Variants in LRRC4C observed in about 807,000 individuals in gnomAD.
LRRC4C encodes the protein leucine rich repeat containing 4C.
In LRRC4C, 5 loss-of-function variants were observed where a neutral mutation model predicts 33.6. That is an observed-to-expected ratio of 0.15 (90% confidence interval 0.08 to 0.31). The LOEUF is 0.31. Among genes scored for constraint, LRRC4C ranks in the 10% least tolerant of loss-of-function variants. The pLI is 1.00. For synonymous variants in LRRC4C, 329 were observed against 302.0 expected, an observed-to-expected ratio of 1.09 and a Z score of -0.93; for missense variants, 560 against 796.7, an observed-to-expected ratio of 0.70 and a Z score of 3.58.
intron 3 of LRRC4C, among the ~76,000 whole-genome samples, chr11:40,577,759 A>G (rs942718712): frequency 6.6e-6 from 1 of 151,552 alleles, no homozygotes; most frequent in Non-Finnish European, 1.5e-5. Context: ...TAACGCTGCT[A>G]TTGAGAAGCC....
chr11:40,806,790 T>G (rs764983116), intron 2 of LRRC4C, among the ~76,000 whole-genome samples: 7 of 152,170 alleles, frequency 4.6e-5, no homozygotes, highest in Admixed American at 4.6e-4. Flanking sequence ...TTAGAATCTA[T>G]CAGTATTTCT....
intron 1 of LRRC4C, among the ~76,000 whole-genome samples, chr11:40,992,738 A>T (rs1853673942): frequency 2.0e-5 from 3 of 152,204 alleles, no homozygotes; most frequent in Admixed American, 2.0e-4. Flanking sequence ...GATTGCTACG[A>T]CATTAATTTA....
chr11:40,744,401 T>A (rs1282597725), intron 2 of LRRC4C, among the ~76,000 whole-genome samples: 2 of 152,182 alleles, frequency 1.3e-5, no homozygotes, highest in Non-Finnish European at 2.9e-5. Context: ...TCCAGGCAGA[T>A]GCAACAGTAA....
At chr11:41,180,249 G>A (rs1416525207) in intron 1 of LRRC4C, among the ~76,000 whole-genome samples, 3 of 152,144 alleles carry the variant, frequency 2.0e-5, no homozygotes, top group African/African-American at 7.2e-5. Flanking sequence ...AAAGCAGCCA[G>A]ATCACAATAT....
chr11:40,186,062 T>C (rs1861376546), intron 5 of LRRC4C, among the ~76,000 whole-genome samples: 1 of 152,180 alleles, frequency 6.6e-6, no homozygotes, highest in Non-Finnish European at 1.5e-5. Context: ...CTTATTTGTT[T>C]ATAAGAGAGC....
At chr11:41,351,719 C>T (rs1030473794) in intron 1 of LRRC4C, among the ~76,000 whole-genome samples, 4 of 152,280 alleles carry the variant, frequency 2.6e-5, no homozygotes, top group Middle Eastern at 6.8e-3. Flanking sequence ...ATTAAAAATA[C>T]ATTTAAAATG....
intron 2 of LRRC4C, among the ~76,000 whole-genome samples, chr11:40,657,845 A>C (rs1003924444): frequency 6.6e-6 from 1 of 152,214 alleles, no homozygotes; most frequent in African/African-American, 2.4e-5. Context: ...CCTGCCTCAA[A>C]TCTTTGGGGC....
intron 1 of LRRC4C, among the ~76,000 whole-genome samples, chr11:41,400,397 G>A (rs774193235): frequency 2.0e-4 from 30 of 151,708 alleles, no homozygotes; most frequent in Non-Finnish European, 3.7e-4. Context: ...ATAAATCTAA[G>A]CGATTTCCAC....
At chr11:40,355,199 A>T (rs1356363283) in intron 3 of LRRC4C, among the ~76,000 whole-genome samples, 1 of 152,128 alleles carries the variant, frequency 6.6e-6, no homozygotes, top group East Asian at 1.9e-4. Context: ...AAGTTGCAAG[A>T]CAAAGTCCTC....
At chr11:40,127,335 T>C (rs1031350723) in intron 6 of LRRC4C, among the ~76,000 whole-genome samples, 2 of 151,722 alleles carry the variant, frequency 1.3e-5, no homozygotes, top group Non-Finnish European at 1.5e-5. Context: ...TAAAGGAATA[T>C]AGATTGGCAT....
chr11:41,428,008 T>C (rs1216117889), intron 1 of LRRC4C, among the ~76,000 whole-genome samples: 2 of 151,544 alleles, frequency 1.3e-5, no homozygotes, highest in African/African-American at 4.8e-5. Flanking sequence ...ACCCCACCCC[T>C]ATCTCCCTTC....
chr11:40,733,956 A>G (rs897751776), intron 2 of LRRC4C, among the ~76,000 whole-genome samples: 4 of 152,106 alleles, frequency 2.6e-5, no homozygotes, highest in African/African-American at 9.7e-5. Flanking sequence ...TACCTGGGAA[A>G]GAGGTACTAT....
intron 3 of LRRC4C, among the ~76,000 whole-genome samples, chr11:40,389,722 G>T (rs538429445): frequency 2.0e-5 from 3 of 152,058 alleles, no homozygotes; most frequent in South Asian, 2.1e-4. Flanking sequence ...TCTGATAAAA[G>T]CTATAAAAAT....
chr11:41,116,734 A>T (rs2135735230), intron 1 of LRRC4C, among the ~76,000 whole-genome samples: 1 of 152,266 alleles, frequency 6.6e-6, no homozygotes, highest in South Asian at 2.1e-4. Flanking sequence ...ATTTTAATGT[A>T]TCATTTACTA....
At chr11:40,659,251 C>T (rs1290800417) in intron 2 of LRRC4C, among the ~76,000 whole-genome samples, 1 of 152,240 alleles carries the variant, frequency 6.6e-6, no homozygotes, top group Non-Finnish European at 1.5e-5. Context: ...CCCCTGCCAC[C>T]TTGGTCCTCT....
intron 2 of LRRC4C, among the ~76,000 whole-genome samples, chr11:40,902,302 A>G (rs1287623094): frequency 2.0e-5 from 3 of 152,020 alleles, no homozygotes; most frequent in Non-Finnish European, 2.9e-5. Context: ...CTGTGAACAC[A>G]CCATATAAGA....
intron 2 of LRRC4C, among the ~76,000 whole-genome samples, chr11:40,781,238 A>G (rs1343893594): frequency 1.3e-5 from 2 of 152,200 alleles, no homozygotes; most frequent in Non-Finnish European, 2.9e-5. Context: ...ATAATTTTAT[A>G]GCACTATCAT....
intron 1 of LRRC4C, among the ~76,000 whole-genome samples, chr11:40,952,681 C>G (rs991631386): frequency 6.6e-6 from 1 of 151,894 alleles, no homozygotes; most frequent in African/African-American, 2.4e-5. Context: ...GAGAGACATC[C>G]TTGCCCATGA....
chr11:40,795,003 A>G (rs1471119781), intron 2 of LRRC4C, among the ~76,000 whole-genome samples: 3 of 152,178 alleles, frequency 2.0e-5, no homozygotes, highest in Non-Finnish European at 4.4e-5. Flanking sequence ...ATCTTTTACT[A>G]TAGAGAACTT....
Sources: allele counts gnomAD v4.1 joint callset (sites outside exome capture counted in the v4.1 genomes callset), GRCh38; gene constraint gnomAD v4.1.1; transcripts MANE v1.5; gene names NCBI Gene and HGNC (gene_info 2026-07-23, HGNC 2026-07-21).